CORO1C: variants seen among roughly 807,000 people sequenced by gnomAD.
CORO1C encodes the protein coronin-1C.
Under a neutral mutation model 51.2 loss-of-function variants are expected in CORO1C, and 14 were observed. The ratio of observed to expected loss-of-function variants is 0.27; its 90% CI spans 0.18 to 0.43. The LOEUF (loss-of-function observed/expected upper bound fraction) is 0.43. CORO1C is among the 20% of genes least tolerant of loss of function. The pLI is 1.00. For synonymous variants in CORO1C, 181 were observed against 210.5 expected, an observed-to-expected ratio of 0.86 and a Z score of 1.21; for missense variants, 417 against 607.8, an observed-to-expected ratio of 0.69 and a Z score of 3.30.
At chr12:108,682,320 T>C (rs951009006) in intron 2 of CORO1C, among the ~76,000 whole-genome samples, 1 of 152,014 alleles carries the variant, frequency 6.6e-6, no homozygotes, top group Non-Finnish European at 1.5e-5. Context: ...TATATCCAGC[T>C]ACACATATTT....
intron 1 of CORO1C, among the ~76,000 whole-genome samples, chr12:108,726,426 CAA>C (rs1264132577): frequency 7.5e-5 from 7 of 92,938 alleles, no homozygotes; most frequent in Admixed American, 1.2e-4. Flanking sequence ...GACTCTGTCT[CAA>C]AAAAAAAAAA....
intron 6 of CORO1C, among the ~76,000 whole-genome samples, chr12:108,655,433 C>T (rs140099949): frequency 0.025 from 3,760 of 150,980 alleles, 172 homozygotes; most frequent in African/African-American, 0.088. Flanking sequence ...CCTCTGATGC[C>T]GAGCCGAAGC....
chr12:108,657,190 G>A, intron 6 of CORO1C, 114 bp downstream of exon 6: 2 of 1,368,900 alleles, frequency 1.5e-6, no homozygotes, highest in Non-Finnish European at 2.0e-6. Context: ...AAGACAATCA[G>A]GCGTTTAGAA....
chr12:108,684,566 C>T (rs114951546), intron 2 of CORO1C, among the ~76,000 whole-genome samples: 243 of 151,274 alleles, frequency 1.6e-3, no homozygotes, highest in East Asian at 0.011. Flanking sequence ...TTAAGGCACG[C>T]GAAATAAAAG....
At chr12:108,671,931 T>G (rs1032405045) in intron 3 of CORO1C, among the ~76,000 whole-genome samples, 1 of 152,004 alleles carries the variant, frequency 6.6e-6, no homozygotes, top group Non-Finnish European at 1.5e-5. Context: ...CCCAGCTAAT[T>G]TTTTATTTTT....
At chr12:108,700,960 G>A (rs1592926402) in intron 2 of CORO1C, 164 bp downstream of exon 2, 1 of 757,300 alleles carries the variant, frequency 1.3e-6, no homozygotes. Flanking sequence ...TTCTCTGTTA[G>A]AGAAAAACTG....
At chr12:108,664,166 G>GT (rs2033384836) in intron 3 of CORO1C, among the ~76,000 whole-genome samples, 1 of 152,142 alleles carries the variant, frequency 6.6e-6, no homozygotes, top group African/African-American at 2.4e-5. Context: ...ATTAAAACAA[G>GT]TAAATTTACC....
intron 2 of CORO1C, among the ~76,000 whole-genome samples, chr12:108,694,279 C>CAAAAAAAAAAAAAAAAAAAAAAAAAAA: frequency 1.5e-5 from 1 of 66,228 alleles, no homozygotes; most frequent in Non-Finnish European, 2.7e-5. Flanking sequence ...AAGACTGTCT[C>CAAAAAAAAAAAAAAAAAAAAAAAAAAA]AAAAAAAAAA....
intron 1 of CORO1C, among the ~76,000 whole-genome samples, chr12:108,703,866 G>A (rs761830938): frequency 9.9e-5 from 15 of 152,130 alleles, no homozygotes; most frequent in Non-Finnish European, 1.8e-4. Flanking sequence ...TGTTCCTCCT[G>A]GCTCCCAAGA....
chr12:108,653,419 C>A (rs895136392), intron 7 of CORO1C, among the ~76,000 whole-genome samples: 1 of 152,186 alleles, frequency 6.6e-6, no homozygotes, highest in Non-Finnish European at 1.5e-5. Flanking sequence ...AAATGTAAAG[C>A]AGGTCTGCAG....
chr12:108,726,272 A>G (rs1565942440), intron 1 of CORO1C, among the ~76,000 whole-genome samples: 1 of 152,042 alleles, frequency 6.6e-6, no homozygotes, highest in African/African-American at 2.4e-5. Flanking sequence ...CCAAAAAATT[A>G]GCCGGGTGTA....
chr12:108,687,671 G>A (rs1441262796), intron 2 of CORO1C, among the ~76,000 whole-genome samples: 1 of 151,564 alleles, frequency 6.6e-6, no homozygotes, highest in Non-Finnish European at 1.5e-5. Context: ...TATAGTCCCA[G>A]CTACTCAGGA....
intron 1 of CORO1C, among the ~76,000 whole-genome samples, chr12:108,718,892 G>C (rs2035406828): frequency 6.6e-6 from 1 of 152,130 alleles, no homozygotes; most frequent in Non-Finnish European, 1.5e-5. Context: ...TTAGAAGAAG[G>C]TCTCAGGCTC....
intron 1 of CORO1C, chr12:108,702,807 A>G: frequency 3.3e-6 from 5 of 1,530,182 alleles, no homozygotes; most frequent in Non-Finnish European, 4.4e-6. Flanking sequence ...CTTCCAACGC[A>G]TGTGTGAAAG....
chr12:108,703,203 G>A (rs1178362277), intron 1 of CORO1C: 2 of 334,840 alleles, frequency 6.0e-6, no homozygotes, highest in Admixed American at 9.5e-5. Context: ...CTTCAAGCAA[G>A]TGTTTCAAAA....
At chr12:108,724,379 AT>A (rs1167685367) in intron 1 of CORO1C, among the ~76,000 whole-genome samples, 1 of 152,232 alleles carries the variant, frequency 6.6e-6, no homozygotes, top group East Asian at 1.9e-4. Flanking sequence ...AACTATAAAA[AT>A]TAATTCATAC....
intron 1 of CORO1C, among the ~76,000 whole-genome samples, chr12:108,713,024 G>T (rs78457084): frequency 0.058 from 8,663 of 150,278 alleles, 507 homozygotes; most frequent in East Asian, 0.32. Flanking sequence ...TTTACCTAAC[G>T]AATTGCATAT....
chr12:108,656,479 G>A (rs1212035575), intron 6 of CORO1C, among the ~76,000 whole-genome samples: 1 of 150,600 alleles, frequency 6.6e-6, no homozygotes, highest in Non-Finnish European at 1.5e-5. Flanking sequence ...GGTGGGGGGC[G>A]CCTCTGCCCT....
intron 2 of CORO1C, among the ~76,000 whole-genome samples, chr12:108,686,472 C>T (rs2034300104): frequency 6.6e-6 from 1 of 152,206 alleles, no homozygotes; most frequent in Non-Finnish European, 1.5e-5. Flanking sequence ...ACAGATCAGT[C>T]CACTATTTCA....
Sources: gnomAD v4.1 joint callset for allele counts (sites outside exome capture counted in the v4.1 genomes callset) on GRCh38, gnomAD v4.1.1 for gene constraint, MANE v1.5 for transcripts, NCBI Gene and HGNC (gene_info 2026-07-23, HGNC 2026-07-21) for gene names.